The following CNTNAP2 variants were observed in gnomAD, a reference collection of about 807,000 sequenced individuals.
The protein encoded by CNTNAP2 is contactin associated protein 2.
CNTNAP2 carries 98 observed loss-of-function variants against 155.2 expected under a neutral mutation model. That is an observed-to-expected ratio of 0.63 (90% CI 0.54 to 0.75). The LOEUF (loss-of-function observed/expected upper bound fraction) is 0.75, where lower values mean the gene tolerates loss of function less well. CNTNAP2 is among the 30% of genes least tolerant of loss of function. CNTNAP2 has a pLI of 0.00. For missense variants in CNTNAP2, 1,727 were observed against 1,688.1 expected, an observed-to-expected ratio of 1.02 and a Z score of -0.40; for synonymous variants, 651 against 631.2, an observed-to-expected ratio of 1.03 and a Z score of -0.47.
At chr7:147,638,852 T>TC (rs1369532547) in intron 12 of CNTNAP2, 3 of 612,370 alleles carry the variant, frequency 4.9e-6, no homozygotes. Context: ...TTTTTTTTTT[T>TC]TTCTTTTTTT....
chr7:147,737,731 C>T (rs1420279951), intron 13 of CNTNAP2, among the ~76,000 whole-genome samples: 1 of 152,216 alleles, frequency 6.6e-6, no homozygotes, highest in Non-Finnish European at 1.5e-5. Flanking sequence ...GCACCCCTCC[C>T]CCAGCCTCGC....
intron 15 of CNTNAP2, among the ~76,000 whole-genome samples, chr7:148,030,149 A>G (rs1802448838): frequency 4.6e-5 from 7 of 152,162 alleles, no homozygotes; most frequent in Admixed American, 4.6e-4. Context: ...GCCCAGTTAA[A>G]TTACCAAGTG....
intron 20 of CNTNAP2, among the ~76,000 whole-genome samples, chr7:148,248,984 C>T (rs1796321593): frequency 1.3e-5 from 2 of 152,160 alleles, no homozygotes; most frequent in African/African-American, 2.4e-5. Context: ...AGCGACTTTT[C>T]AAGTGCTTAT....
chr7:147,378,160 T>G (rs1796471630), intron 9 of CNTNAP2: 1 of 285,550 alleles, frequency 3.5e-6, no homozygotes, highest in African/African-American at 2.3e-5. Flanking sequence ...TATTTAATGT[T>G]TCTAAGTTTT....
intron 1 of CNTNAP2, among the ~76,000 whole-genome samples, chr7:146,483,231 G>A (rs1157664825): frequency 5.7e-5 from 8 of 139,934 alleles, no homozygotes; most frequent in East Asian, 2.2e-4. Context: ...AGCCAAGATC[G>A]CGCCACTGCA....
intron 11 of CNTNAP2, among the ~76,000 whole-genome samples, chr7:147,544,590 C>T (rs577907058): frequency 2.6e-5 from 4 of 151,890 alleles, no homozygotes; most frequent in Non-Finnish European, 5.9e-5. Context: ...CTTTCATGGG[C>T]CCTAGAAACT....
intron 1 of CNTNAP2, among the ~76,000 whole-genome samples, chr7:146,364,936 A>G (rs1795134265): frequency 6.6e-6 from 1 of 151,808 alleles, no homozygotes; most frequent in Non-Finnish European, 1.5e-5. Flanking sequence ...TCCCAATGTA[A>G]TCGTTTTTTA....
At chr7:147,778,545 T>C (rs1303928879) in intron 13 of CNTNAP2, among the ~76,000 whole-genome samples, 2 of 152,210 alleles carry the variant, frequency 1.3e-5, no homozygotes, top group African/African-American at 4.8e-5. Flanking sequence ...AGCCCACTGA[T>C]TGATAAGCCA....
chr7:147,878,339 T>C (rs1223132080), intron 13 of CNTNAP2, among the ~76,000 whole-genome samples: 1 of 152,130 alleles, frequency 6.6e-6, no homozygotes, highest in Non-Finnish European at 1.5e-5. Flanking sequence ...AAATTAATTC[T>C]TGTTCTCTAG....
chr7:147,178,887 T>G (rs933587907), intron 8 of CNTNAP2, among the ~76,000 whole-genome samples: 1 of 152,186 alleles, frequency 6.6e-6, no homozygotes, highest in African/African-American at 2.4e-5. Context: ...TGTTAGCATA[T>G]TCCATCTGTT....
chr7:147,242,080 C>T lies in CNTNAP2; in HGVS notation c.1349-58061C>T, dbSNP rs891329344. 3.3e-5 allele frequency among the ~76,000 whole-genome samples: 5 copies of T among 152,130 alleles called. No homozygotes were observed. In the East Asian group the frequency reaches 5.8e-4, roughly 18 times the overall value. Reference sequence around the variant, plus strand: ...TTCCTTCTTTTCCTGATTTTTTCATCGCTTTGTAAATGTTTTTCTTTGACT... The same window carrying T: ...TTCCTTCTTTTCCTGATTTTTTCATTGCTTTGTAAATGTTTTTCTTTGACT... On this transcript the variant is annotated intron_variant, in intron 8 of 23. Coordinates refer to ENST00000361727, the MANE Select transcript of CNTNAP2 (RefSeq NM_014141.6).
At chr7:147,261,645 T>C (rs1804468874) in intron 8 of CNTNAP2, among the ~76,000 whole-genome samples, 1 of 151,962 alleles carries the variant, frequency 6.6e-6, no homozygotes, top group Non-Finnish European at 1.5e-5. Flanking sequence ...ACACAAATAT[T>C]ATTTGAATGG....
intron 21 of CNTNAP2, among the ~76,000 whole-genome samples, chr7:148,333,639 A>G (rs1166488091): frequency 6.6e-6 from 1 of 152,216 alleles, no homozygotes; most frequent in Admixed American, 6.5e-5. Context: ...CCAGAAATTC[A>G]GTTCAACAAT....
At chr7:147,548,064 A>ACATGTGTG (rs1799777639) in intron 11 of CNTNAP2, among the ~76,000 whole-genome samples, 1 of 152,124 alleles carries the variant, frequency 6.6e-6, no homozygotes, top group African/African-American at 2.4e-5. Context: ...GCTGCAGTAA[A>ACATGTGTG]CATGTGTGCA....
intron 21 of CNTNAP2, among the ~76,000 whole-genome samples, chr7:148,280,563 T>C (rs1563023514): frequency 1.3e-5 from 2 of 152,218 alleles, no homozygotes; most frequent in Non-Finnish European, 2.9e-5. Context: ...GGGATCTCTC[T>C]GTACAATTTC....
At chr7:148,040,619 G>A (rs941732658) in intron 15 of CNTNAP2, among the ~76,000 whole-genome samples, 1 of 152,218 alleles carries the variant, frequency 6.6e-6, no homozygotes, top group East Asian at 1.9e-4. Context: ...TATGCATGCA[G>A]TGTGTGCTCT....
chr7:147,592,548 A>T (rs73468908), intron 12 of CNTNAP2, among the ~76,000 whole-genome samples: 4,382 of 151,092 alleles, frequency 0.029, 100 homozygotes, highest in African/African-American at 0.04. Context: ...GTATTTTTCA[A>T]ATAAACTTGA....
At chr7:146,876,916 CTT>C (rs1795440475) in intron 3 of CNTNAP2, among the ~76,000 whole-genome samples, 1 of 152,144 alleles carries the variant, frequency 6.6e-6, no homozygotes, top group South Asian at 2.1e-4. Context: ...ATTAAGTAGA[CTT>C]AGTGCAAAAA....
intron 2 of CNTNAP2, among the ~76,000 whole-genome samples, chr7:146,828,647 C>T (rs1803452819): frequency 6.6e-6 from 1 of 151,964 alleles, no homozygotes; most frequent in Non-Finnish European, 1.5e-5. Context: ...TGAGATAACA[C>T]ACAAAGGTGT....
Sources: gnomAD v4.1 joint callset for allele counts (sites outside exome capture counted in the v4.1 genomes callset) on GRCh38, gnomAD v4.1.1 for gene constraint, MANE v1.5 for transcripts, NCBI Gene and HGNC (gene_info 2026-07-23, HGNC 2026-07-21) for gene names.